Variants in CHN1 observed in about 807,000 individuals in gnomAD.
CHN1 encodes the protein N-chimaerin.
A neutral mutation model predicts 59.5 loss-of-function variants in CHN1; 37 were observed. The ratio of observed to expected loss-of-function variants is 0.62; its 90% confidence interval spans 0.48 to 0.82. The LOEUF is 0.82. Ranked by LOEUF, CHN1 falls within the 40% of genes least tolerant of loss-of-function variation. The pLI, the probability that CHN1 is intolerant of heterozygous loss-of-function variation, is 0.00. For synonymous variants in CHN1, 206 were observed against 200.4 expected (o/e 1.03, Z -0.24); for missense variants, 469 against 571.0 (o/e 0.82, Z 1.82).
Position 174,950,777 on chromosome 2 carries a change from G to GTT in CHN1, c.58+1385_58+1386dup, listed in dbSNP as rs34886920. Reference sequence around the variant, plus strand: ...ACTGAAAACCAGAAAATGCAGAGAAGTTTTTTTTTTTTTTTTTTTTGAGAT... The same window carrying GTT: ...ACTGAAAACCAGAAAATGCAGAGAAGTTTTTTTTTTTTTTTTTTTTTTGAGAT... On this transcript the variant is annotated intron_variant, in intron 2 of 12. Transcript: ENST00000409900. 8.8e-3 allele frequency among the ~76,000 whole-genome samples: 1,124 copies of GTT among 127,278 alleles called. 38 individuals are homozygous for GTT. The highest frequency in any genetic ancestry group is 0.032 in the African/African-American group (1,023 of 32,304). 83.5% of individuals were successfully genotyped at this position (127,278 alleles called of 152,430 possible). A position where few individuals can be genotyped will look rare whatever the true frequency, so the allele number is the denominator to read the frequency against.
intron 3 of CHN1, among the ~76,000 whole-genome samples, chr2:174,923,289 C>T (rs1689071471): frequency 6.6e-6 from 1 of 152,024 alleles, no homozygotes; most frequent in African/African-American, 2.4e-5. Flanking sequence ...TACAGGCGCC[C>T]GCCACCATGC....
intron 12 of CHN1, 82 bp downstream of exon 12, chr2:174,801,625 G>T: frequency 2.1e-6 from 2 of 941,452 alleles, no homozygotes; most frequent in South Asian, 1.5e-5. Context: ...TAGATTATTT[G>T]TCCTTTCTTT....
chr2:174,936,664 A>G (rs1335023048), intron 3 of CHN1, among the ~76,000 whole-genome samples: 1 of 152,160 alleles, frequency 6.6e-6, no homozygotes, highest in Non-Finnish European at 1.5e-5. Context: ...ATTTATATAT[A>G]CCTATAAATG....
intron 1 of CHN1, among the ~76,000 whole-genome samples, chr2:174,953,234 T>C (rs1417385622): frequency 6.6e-6 from 1 of 151,830 alleles, no homozygotes; most frequent in Non-Finnish European, 1.5e-5. Context: ...AAAATGGTCA[T>C]AGACATAAGA....
chr2:174,968,223 T>C (rs116690447), intron 1 of CHN1, among the ~76,000 whole-genome samples: 1,547 of 152,314 alleles, frequency 0.01, 30 homozygotes, highest in African/African-American at 0.035. Flanking sequence ...CACAACATTT[T>C]TCATCTTATT....
At chr2:174,943,132 G>A (rs1235386523) in intron 3 of CHN1, among the ~76,000 whole-genome samples, 1 of 151,958 alleles carries the variant, frequency 6.6e-6, no homozygotes, top group Non-Finnish European at 1.5e-5. Context: ...ATTATGCTGT[G>A]AATTTGTAAG....
chr2:174,825,532 T>C (rs567364220), intron 7 of CHN1, among the ~76,000 whole-genome samples: 3 of 152,230 alleles, frequency 2.0e-5, no homozygotes, highest in African/African-American at 7.2e-5. Context: ...AAGATACCTA[T>C]CCCTTTTACA....
intron 8 of CHN1, among the ~76,000 whole-genome samples, chr2:174,814,428 C>T (rs1349014631): frequency 6.6e-6 from 1 of 152,140 alleles, no homozygotes; most frequent in Non-Finnish European, 1.5e-5. Flanking sequence ...ATAAGGCAAC[C>T]AACTGTCCAC....
At chr2:174,937,346 A>G (rs925290068) in intron 3 of CHN1, among the ~76,000 whole-genome samples, 1 of 152,214 alleles carries the variant, frequency 6.6e-6, no homozygotes, top group Non-Finnish European at 1.5e-5. Context: ...CAATACTATC[A>G]TTAGAAGAAA....
chr2:174,927,574 C>G (rs1689213872), intron 3 of CHN1, among the ~76,000 whole-genome samples: 1 of 151,952 alleles, frequency 6.6e-6, no homozygotes, highest in South Asian at 2.1e-4. Context: ...AATGTTATTT[C>G]TTTTTTTTAT....
chr2:174,844,867 ACT>A (rs1477559252), intron 7 of CHN1, among the ~76,000 whole-genome samples: 6 of 152,174 alleles, frequency 3.9e-5, no homozygotes, highest in African/African-American at 1.4e-4. Flanking sequence ...TCTAAAATGA[ACT>A]CTTTCTTGAG....
At chr2:174,904,100 TA>T (rs1688469070) in intron 5 of CHN1, among the ~76,000 whole-genome samples, 1 of 151,418 alleles carries the variant, frequency 6.6e-6, no homozygotes, top group Non-Finnish European at 1.5e-5. Flanking sequence ...CCGTCTCTAC[TA>T]AAAAATACAA....
At chr2:174,903,671 A>G (rs1688457558) in intron 5 of CHN1, among the ~76,000 whole-genome samples, 2 of 152,210 alleles carry the variant, frequency 1.3e-5, no homozygotes, top group African/African-American at 4.8e-5. Context: ...TTATTTTTAT[A>G]AAGAATTATT....
chr2:174,950,651 A>C (rs1288787982), intron 2 of CHN1, among the ~76,000 whole-genome samples: 1 of 152,140 alleles, frequency 6.6e-6, no homozygotes, highest in African/African-American at 2.4e-5. Flanking sequence ...TTTTTCATGG[A>C]GGAAAAGATC....
chr2:174,844,511 T>C (rs1386483814), intron 7 of CHN1, among the ~76,000 whole-genome samples: 2 of 152,208 alleles, frequency 1.3e-5, no homozygotes, highest in African/African-American at 4.8e-5. Context: ...CCCGTGGTTA[T>C]ACAGAATACA....
intron 8 of CHN1, among the ~76,000 whole-genome samples, chr2:174,821,509 T>G (rs980563133): frequency 1.3e-4 from 20 of 152,202 alleles, no homozygotes; most frequent in African/African-American, 4.8e-4. Context: ...GTGTTGCTAA[T>G]GTGAGAGTAT....
intron 6 of CHN1, among the ~76,000 whole-genome samples, chr2:174,873,442 T>C (rs1246679990): frequency 6.6e-6 from 1 of 152,206 alleles, no homozygotes; most frequent in Non-Finnish European, 1.5e-5. Flanking sequence ...CTGTTACCTT[T>C]ATTCGTGATT....
intron 1 of CHN1, among the ~76,000 whole-genome samples, chr2:174,983,551 C>T (rs1691233146): frequency 6.6e-6 from 1 of 152,010 alleles, no homozygotes. Context: ...GCTAGACGGC[C>T]GGGCACGGTG....
intron 7 of CHN1, among the ~76,000 whole-genome samples, chr2:174,838,204 C>T (rs570711926): frequency 2.6e-5 from 4 of 152,248 alleles, no homozygotes; most frequent in South Asian, 4.1e-4. Flanking sequence ...AGCAATTCTT[C>T]TGCCTCAGCC....
Sources: gnomAD v4.1 joint callset for allele counts (sites outside exome capture counted in the v4.1 genomes callset) on GRCh38, gnomAD v4.1.1 for gene constraint, MANE v1.5 for transcripts, NCBI Gene and HGNC (gene_info 2026-07-23, HGNC 2026-07-21) for gene names.